The following TSGA10 variants were observed in gnomAD, a reference collection of about 807,000 sequenced individuals.
The protein encoded by TSGA10 is testis specific 10.
In TSGA10, 43 loss-of-function variants were observed where a neutral mutation model predicts 96.6. The observed-to-expected ratio is 0.44, with a 90% CI of 0.35 to 0.57. The LOEUF (loss-of-function observed/expected upper bound fraction) is 0.57. TSGA10 is among the 20% of genes least tolerant of loss of function. The pLI, the probability that TSGA10 is intolerant of heterozygous loss-of-function variation, is 0.01. For missense variants in TSGA10, 703 were observed against 834.4 expected (o/e 0.84, Z 1.94); for synonymous variants, 229 against 269.9 (o/e 0.85, Z 1.48).
chr2:99,062,430 A>G (rs147000356), intron 16 of TSGA10, among the ~76,000 whole-genome samples: 10 of 152,308 alleles, frequency 6.6e-5, no homozygotes, highest in Non-Finnish European at 1.5e-4. Flanking sequence ...TCCCCTGCAC[A>G]TTGGAAAGTT....
rs12613004 is a variant in TSGA10, at chr2:99,130,726, G to C, written c.-620-3550C>G. Among the ~76,000 whole-genome samples the C allele has an allele frequency of 4.6e-5, 7 of 152,230 alleles. No individual in the cohort carries two copies. The East Asian group carries it at 1.3e-3, about 29-fold the overall frequency. ...CCTATGTCCTAAATGGTATTGCCTA[G>C]GTTTTCTTCTAGAGTTGTTATGGTC... On this transcript the variant is annotated intron_variant, in intron 1 of 20. Coordinates refer to ENST00000393483, the MANE Select transcript of TSGA10 (RefSeq NM_025244.4).
Position 99,018,102 on chromosome 2 carries a change from T to C in TSGA10, c.2072+98A>G, listed in dbSNP as rs534239826. 1.8e-5 allele frequency: 22 copies of C among 1,228,432 alleles called. No homozygotes were observed. The Middle Eastern group carries it at 2.1e-3, about 118-fold the overall frequency. The allele number at this position is 1,228,432 out of a possible 1,614,324, so 76.1% of individuals were successfully genotyped here. ...TGGTAATCATGTTTAAATATCACTATTAAAGATAGACTATTGAGTTTCCTT... is the reference window on the plus strand; with the variant it reads ...TGGTAATCATGTTTAAATATCACTACTAAAGATAGACTATTGAGTTTCCTT... On this transcript the variant is annotated intron_variant, in intron 20 of 20. Transcript: ENST00000393483.
intron 10 of TSGA10, among the ~76,000 whole-genome samples, chr2:99,101,075 A>G (rs2090657235): frequency 6.6e-6 from 1 of 150,940 alleles, no homozygotes; most frequent in Non-Finnish European, 1.5e-5. Flanking sequence ...CATCCTGGCT[A>G]ACACCGTGAA....
At chr2:99,145,862 G>A (rs1437974380) in intron 1 of TSGA10, among the ~76,000 whole-genome samples, 3 of 152,218 alleles carry the variant, frequency 2.0e-5, no homozygotes, top group Non-Finnish European at 4.4e-5. Flanking sequence ...ACCAGTCCAG[G>A]CATGGTGGCT....
intron 16 of TSGA10, among the ~76,000 whole-genome samples, chr2:99,037,586 C>A (rs1043225988): frequency 1.3e-5 from 2 of 152,080 alleles, no homozygotes; most frequent in African/African-American, 4.8e-5. Context: ...TGGTGGCTCA[C>A]GTCTGTAATC....
intron 10 of TSGA10, among the ~76,000 whole-genome samples, chr2:99,097,314 C>CAG (rs2090165673): frequency 6.6e-6 from 1 of 151,996 alleles, no homozygotes; most frequent in South Asian, 2.1e-4. Context: ...TAAAGGACCC[C>CAG]AGATCACTCA....
At chr2:99,150,331 C>A in intron 1 of TSGA10, 3 of 500,998 alleles carry the variant, frequency 6.0e-6, no homozygotes, top group South Asian at 3.5e-5. Flanking sequence ...ACCTGCAAAC[C>A]CTCCCACAAA....
chr2:99,018,215 T>C lies in TSGA10; in HGVS notation c.2057A>G (p.Asp686Gly), dbSNP rs1168171292. The C allele has an allele frequency of 6.2e-7, 1 of 1,614,030 alleles. No homozygotes were observed. Among genetic ancestry groups the C allele is most frequent in the Non-Finnish European group, 8.5e-7 (1 of 1,180,008 alleles). Residue 686 changes from aspartate to glycine, a missense_variant, in exon 20 of 21, where the codon GAT becomes GGT. Asp to Gly is a moderately conservative substitution (Grantham distance 94). This residue lies in a region of TSGA10 where 69 missense variants were observed against 81.3 expected (regional missense o/e 0.85). Coordinates refer to ENST00000393483, the MANE Select transcript of TSGA10 (RefSeq NM_025244.4). ...ATAGACTCACTCTTCTAATGATCGA[T>C]CTAGGCCTCGGTCAGGAGATCGATG... is the stretch of plus-strand genomic sequence containing the variant. ...AHHRSPDRGL[D>G]RSLEENLCYR...
intron 1 of TSGA10, among the ~76,000 whole-genome samples, chr2:99,146,416 C>T (rs1324733210): frequency 6.6e-6 from 1 of 152,130 alleles, no homozygotes; most frequent in Non-Finnish European, 1.5e-5. Flanking sequence ...AAAATATCTC[C>T]TTCCAGTCTC....
intron 10 of TSGA10, among the ~76,000 whole-genome samples, chr2:99,101,274 A>G (rs13012124): frequency 6.9e-6 from 1 of 145,386 alleles, no homozygotes; most frequent in East Asian, 2.1e-4. Flanking sequence ...AAAAAAAAGC[A>G]TAAATCAAAT....
At position 99,127,178 on chromosome 2, in the gene TSGA10, T is replaced by A. The variant is rs1176803186; in HGVS notation, c.-620-2A>T. 7.0e-6 allele frequency: 9 copies of A among 1,279,280 alleles called. No homozygotes were observed. In the African/African-American group the frequency reaches 1.4e-4, roughly 20 times the overall value. The allele number at this position is 1,279,280 out of a possible 1,614,324, so 79.2% of individuals were successfully genotyped here. A position where few individuals can be genotyped will look rare whatever the true frequency, so the allele number is the denominator to read the frequency against. ...AAAATCATATTCTTTGGTGGTAACC[T>A]AGTACAAAGAATGGGAAATAATACA... is the stretch of plus-strand genomic sequence containing the variant. On this transcript the variant is annotated splice_acceptor_variant, in intron 1 of 20. Coordinates refer to ENST00000393483, the MANE Select transcript of TSGA10 (RefSeq NM_025244.4). LOFTEE classifies it low-confidence loss of function (5UTR_SPLICE).
intron 10 of TSGA10, among the ~76,000 whole-genome samples, chr2:99,096,739 T>C (rs1157959952): frequency 6.6e-6 from 1 of 152,218 alleles, no homozygotes; most frequent in East Asian, 1.9e-4. Context: ...CTTTGCTATC[T>C]AAGCATAAAC....
At chr2:99,015,339 T>C (rs901576125) in intron 20 of TSGA10, among the ~76,000 whole-genome samples, 1 of 152,086 alleles carries the variant, frequency 6.6e-6, no homozygotes, top group Non-Finnish European at 1.5e-5. Flanking sequence ...GTTTAACATA[T>C]GCAAGTCAAA....
intron 20 of TSGA10, among the ~76,000 whole-genome samples, chr2:99,010,543 A>G (rs2078915438): frequency 6.6e-6 from 1 of 152,226 alleles, no homozygotes; most frequent in African/African-American, 2.4e-5. Flanking sequence ...AGTCACGTAA[A>G]GTATAAAAGT....
intron 1 of TSGA10, chr2:99,141,653 T>TAATCTCTGCCTGAGGCTGCCGCACCTG (rs2093560860): frequency 6.6e-6 from 1 of 152,390 alleles, no homozygotes; most frequent in Non-Finnish European, 1.5e-5. Flanking sequence ...ACTCATTTCT[T>TAATCTCTGCCTGAGGCTGCCGCACCTG]AATCTCTGCC....
At chr2:99,062,539 C>A (rs2084815664) in intron 16 of TSGA10, among the ~76,000 whole-genome samples, 2 of 152,200 alleles carry the variant, frequency 1.3e-5, no homozygotes, top group Middle Eastern at 3.4e-3. Flanking sequence ...AGATCAAGAC[C>A]AGCTTGGGCA....
chr2:99,059,078 T>TTATATATATATATATATA (rs756097906), intron 16 of TSGA10, among the ~76,000 whole-genome samples: 8 of 140,594 alleles, frequency 5.7e-5, no homozygotes, highest in African/African-American at 2.1e-4. Flanking sequence ...ATTTATATAT[T>TTATATATATATATATATA]TTTATATATA....
chr2:99,097,524 A>G (rs1289343403), intron 10 of TSGA10, among the ~76,000 whole-genome samples: 2 of 152,206 alleles, frequency 1.3e-5, no homozygotes, highest in Non-Finnish European at 2.9e-5. Flanking sequence ...TTACTGTTCT[A>G]AGGTTCTTGC....
At chr2:99,023,924 C>T (rs1263200104) in intron 17 of TSGA10, among the ~76,000 whole-genome samples, 1 of 152,212 alleles carries the variant, frequency 6.6e-6, no homozygotes, top group Non-Finnish European at 1.5e-5. Flanking sequence ...TTCTACAAGA[C>T]ACCTGGGATT....
Sources: allele counts gnomAD v4.1 joint callset (sites outside exome capture counted in the v4.1 genomes callset), GRCh38; gene constraint gnomAD v4.1.1; regional missense constraint gnomAD v4.1.1; transcripts MANE v1.5; gene names NCBI Gene and HGNC (gene_info 2026-07-23, HGNC 2026-07-21).